Variants in TMEM132D observed in about 807,000 individuals in gnomAD.
TMEM132D encodes the protein transmembrane protein 132D.
Under a neutral mutation model 62.3 loss-of-function variants are expected in TMEM132D, and 21 were observed. That is an observed-to-expected ratio of 0.34 (90% CI 0.24 to 0.49). TMEM132D has a LOEUF of 0.49. TMEM132D is among the 20% of genes least tolerant of loss of function. The pLI is 0.99. For missense variants in TMEM132D, 1,346 were observed against 1,402.8 expected (o/e 0.96, Z 0.65); for synonymous variants, 621 against 575.6 (o/e 1.08, Z -1.13).
In TMEM132D at chr12:129,543,407, T is replaced by TGG. The variant is rs1352364063; in HGVS notation, c.969-12203_969-12202insCC. 1.1e-3 allele frequency among the ~76,000 whole-genome samples: 165 copies of TGG among 151,946 alleles called. 1 individual carries two copies. The highest frequency in any genetic ancestry group is 2.1e-3 in the Non-Finnish European group (145 of 67,934). On this transcript the variant is annotated intron_variant, in intron 2 of 8. Transcript: ENST00000422113. ...ATGGATGGATGGATGGATGGATGGA[T>TGG]AGACAGATAGATAGATATTCCTCAA...
chr12:129,276,276 G>T (rs562921638), intron 4 of TMEM132D, among the ~76,000 whole-genome samples: 9 of 152,260 alleles, frequency 5.9e-5, no homozygotes, highest in African/African-American at 2.2e-4. Flanking sequence ...GCCACCTAAG[G>T]CACCATTTTC....
At chr12:129,524,912 A>ATTT (rs1298314742) in intron 3 of TMEM132D, among the ~76,000 whole-genome samples, 1 of 117,594 alleles carries the variant, frequency 8.5e-6, no homozygotes, top group African/African-American at 3.4e-5. Context: ...TTATTTTCAT[A>ATTT]TTTTTTTCTT....
intron 1 of TMEM132D, among the ~76,000 whole-genome samples, chr12:129,831,520 C>T (rs986076686): frequency 6.6e-6 from 1 of 152,206 alleles, no homozygotes; most frequent in African/African-American, 2.4e-5. Context: ...CCTCGGCTGG[C>T]TCAGCCGTGA....
intron 5 of TMEM132D, among the ~76,000 whole-genome samples, chr12:129,160,618 A>G (rs1877374631): frequency 1.3e-5 from 2 of 152,218 alleles, no homozygotes; most frequent in South Asian, 4.1e-4. Context: ...CATTCTATGT[A>G]GCCCTTGACT....
chr12:129,260,297 T>C (rs1007542797), intron 4 of TMEM132D, among the ~76,000 whole-genome samples: 4 of 152,098 alleles, frequency 2.6e-5, no homozygotes, highest in African/African-American at 9.7e-5. Context: ...AGAGGTGGGC[T>C]GAAATGAACA....
At chr12:129,241,443 C>T (rs183791675) in intron 4 of TMEM132D, among the ~76,000 whole-genome samples, 1 of 152,162 alleles carries the variant, frequency 6.6e-6, no homozygotes, top group African/African-American at 2.4e-5. Flanking sequence ...TCTTTGGCCC[C>T]ACCGACCTGC....
At position 129,359,273 on chromosome 12, in the gene TMEM132D, T is replaced by C. The variant is rs113270315; in HGVS notation, c.1116-21456A>G. Among the ~76,000 whole-genome samples the C allele has an allele frequency of 1.6e-3, 242 of 152,238 alleles. 3 individuals carry two copies. The highest frequency in any genetic ancestry group is 5.5e-3 in the African/African-American group (227 of 41,556). On this transcript the variant is annotated intron_variant, in intron 3 of 8. Transcript: ENST00000422113. ...TTAGAGGGGCTGGGCCGGGGGACAA[T>C]AGAGTTATTGCTGATGGTTACAGAG...
chr12:129,381,722 G>C (rs1870960268), intron 3 of TMEM132D, among the ~76,000 whole-genome samples: 1 of 146,896 alleles, frequency 6.8e-6, no homozygotes, highest in African/African-American at 2.5e-5. Context: ...TTTTTTCTGA[G>C]GTATATTAAA....
At chr12:129,396,921 T>C (rs61040707) in intron 3 of TMEM132D, among the ~76,000 whole-genome samples, 3,443 of 152,320 alleles carry the variant, frequency 0.023, 134 homozygotes, top group African/African-American at 0.078. Flanking sequence ...AACCTGACAA[T>C]GTATCCAAGA....
chr12:129,421,428 T>C (rs1039996854), intron 3 of TMEM132D, among the ~76,000 whole-genome samples: 5 of 152,226 alleles, frequency 3.3e-5, no homozygotes, highest in Non-Finnish European at 4.4e-5. Flanking sequence ...TAGAGACATG[T>C]CTGGATACAT....
chr12:129,809,677 A>T (rs1324224510), intron 1 of TMEM132D, among the ~76,000 whole-genome samples: 1 of 152,198 alleles, frequency 6.6e-6, no homozygotes, highest in East Asian at 1.9e-4. Flanking sequence ...AAGCTGATGT[A>T]CATGTTTGTT....
At position 129,671,031 on chromosome 12, in the gene TMEM132D, G is replaced by A. The variant is rs186200749; in HGVS notation, c.968+28779C>T. ...GTTAAAAAATCTTGGAAATATTTTT[G>A]ATGTTTTCTTCTGTTTTGAGTGAGG... On this transcript the variant is annotated intron_variant, in intron 2 of 8. Coordinates refer to ENST00000422113, the MANE Select transcript of TMEM132D (RefSeq NM_133448.3). 1.3e-4 allele frequency among the ~76,000 whole-genome samples: 20 copies of A among 152,290 alleles called. No homozygotes were observed. In the East Asian group the frequency reaches 3.9e-3, roughly 29 times the overall value.
intron 4 of TMEM132D, among the ~76,000 whole-genome samples, chr12:129,334,078 G>A (rs112128857): frequency 0.016 from 2,465 of 152,126 alleles, 75 homozygotes; most frequent in African/African-American, 0.056. Flanking sequence ...CTGAGATCAC[G>A]CCACTGCACT....
chr12:129,620,594 G>A (rs969614096), intron 2 of TMEM132D, among the ~76,000 whole-genome samples: 4 of 152,124 alleles, frequency 2.6e-5, no homozygotes, highest in African/African-American at 7.2e-5. Flanking sequence ...GTGAGACCCT[G>A]TCTAAAGAAA....
intron 4 of TMEM132D, among the ~76,000 whole-genome samples, chr12:129,272,070 T>C (rs953895189): frequency 6.6e-6 from 1 of 151,870 alleles, no homozygotes; most frequent in African/African-American, 2.4e-5. Context: ...GGACAGTTTT[T>C]CTACAGCAAA....
intron 3 of TMEM132D, chr12:129,522,701 CAATG>C (rs1875886857): frequency 6.6e-6 from 1 of 152,074 alleles, no homozygotes; most frequent in Admixed American, 6.6e-5. Flanking sequence ...CGCTTGTTGA[CAATG>C]AACACCCATC....
At chr12:129,481,692 G>A (rs1874433130) in intron 3 of TMEM132D, among the ~76,000 whole-genome samples, 2 of 152,182 alleles carry the variant, frequency 1.3e-5, no homozygotes. Flanking sequence ...TAGGAAATGA[G>A]CTCTCTTATA....
chr12:129,686,697 C>T (rs1415182773), intron 2 of TMEM132D, among the ~76,000 whole-genome samples: 1 of 152,216 alleles, frequency 6.6e-6, no homozygotes, highest in Non-Finnish European at 1.5e-5. Flanking sequence ...AAATCCCACA[C>T]AAGCACTCCC....
intron 1 of TMEM132D, among the ~76,000 whole-genome samples, chr12:129,773,131 C>G (rs1361246492): frequency 1.3e-5 from 2 of 152,216 alleles, no homozygotes; most frequent in Non-Finnish European, 2.9e-5. Context: ...GCCCTGTAGG[C>G]ATTCCATTCG....
Sources: gnomAD v4.1 joint callset for allele counts (sites outside exome capture counted in the v4.1 genomes callset) on GRCh38, gnomAD v4.1.1 for gene constraint, MANE v1.5 for transcripts, NCBI Gene and HGNC (gene_info 2026-07-23, HGNC 2026-07-21) for gene names.